The following MYO7B variants were observed in gnomAD, a reference collection of about 807,000 sequenced individuals.
The protein encoded by MYO7B is myosin VIIB, also known as unconventional myosin-VIIb.
In MYO7B, 212 loss-of-function variants were observed where a neutral mutation model predicts 259.7. That is an observed-to-expected ratio of 0.82 (90% CI 0.73 to 0.91). MYO7B has a LOEUF of 0.91. Ranked by LOEUF, MYO7B falls within the 40% of genes least tolerant of loss-of-function variation. The pLI, the probability that MYO7B is intolerant of heterozygous loss-of-function variation, is 0.00. For synonymous variants in MYO7B, 1,197 were observed against 1,166.4 expected, an observed-to-expected ratio of 1.03 and a Z score of -0.54; for missense variants, 2,732 against 2,813.5, an observed-to-expected ratio of 0.97 and a Z score of 0.66.
intron 1 of MYO7B, among the ~76,000 whole-genome samples, chr2:127,537,860 A>G (rs3893897): frequency 0.87 from 131,814 of 152,200 alleles, 57,245 homozygotes; most frequent in East Asian, 1. Context: ...CACTTGGCAC[A>G]TGCTGAATGA....
rs375880127 is a variant in MYO7B at position 127,636,841 on chromosome 2, C to T, written c.6255C>T (p.Ser2085=). The T allele has an allele frequency of 2.0e-5, 32 of 1,613,626 alleles. No homozygotes were observed. The highest frequency in any genetic ancestry group is 1.6e-4 in the African/African-American group (12 of 75,034). The change falls in exon 47 of 48, where the codon AGC becomes AGT. Residue 2085 remains serine (S), a synonymous_variant. Coordinates refer to ENST00000409816, the MANE Select transcript of MYO7B (RefSeq NM_001393586.1). The surrounding 1 kb of genome is among the most constrained non-coding windows in gnomAD (Gnocchi z 4.5). The part of the protein sequence containing the change: ...YPFTKISSWS[S]GSTYFHMALG... ...TCACCAAGATCTCCAGCTGGAGCAG[C>T]GGCAGCACCTACTTCCACATGGCGC...
intron 1 of MYO7B, among the ~76,000 whole-genome samples, chr2:127,558,462 G>A (rs2104841209): frequency 6.6e-6 from 1 of 152,322 alleles, no homozygotes; most frequent in East Asian, 1.9e-4. Context: ...ACTAAAAGTA[G>A]AACTTCCATT....
At position 127,629,686 on chromosome 2, in the gene MYO7B, G is replaced by A. The variant is rs61744676; in HGVS notation, c.4666G>A (p.Val1556Ile). Residue 1556 changes from valine (V) to isoleucine (I), a missense_variant, in exon 35 of 48, where the codon GTC becomes ATC. Physicochemically the swap from Val to Ile is conservative, Grantham distance 29 (BLOSUM62 3). Coordinates refer to ENST00000409816, the MANE Select transcript of MYO7B (RefSeq NM_001393586.1). Reference protein sequence around the residue: ...LLAFKKGDLLVLTKKQGLLAS... With the variant: ...LLAFKKGDLLILTKKQGLLAS... Reference sequence around the variant, plus strand: ...GGCCTTCAAGAAGGGGGACCTGTTGGTCCTCACAAAGAAGCAGGGGCTGCT... The same window carrying A: ...GGCCTTCAAGAAGGGGGACCTGTTGATCCTCACAAAGAAGCAGGGGCTGCT... 5,220 of 1,612,398 alleles carry A rather than the reference G, an allele frequency of 3.2e-3. 183 individuals carry two copies. In the Admixed American group the frequency reaches 0.068, roughly 21 times the overall value.
At chr2:127,591,155 C>T (rs368688592) in intron 16 of MYO7B, among the ~76,000 whole-genome samples, 1 of 152,218 alleles carries the variant, frequency 6.6e-6, no homozygotes, top group Non-Finnish European at 1.5e-5. Context: ...CACCACTGCA[C>T]TTCAGCCTGG....
intron 10 of MYO7B, 137 bp from the exon 11 acceptor site, chr2:127,581,753 TG>T: frequency 8.3e-7 from 1 of 1,200,388 alleles, no homozygotes; most frequent in Non-Finnish European, 1.1e-6. Flanking sequence ...GCCCTGGCCC[TG>T]GCCTCGGGCA....
At chr2:127,635,275 C>T in intron 43 of MYO7B, 49 bp downstream of exon 43, 2 of 1,524,948 alleles carry the variant, frequency 1.3e-6, no homozygotes, top group South Asian at 2.3e-5. Flanking sequence ...CCCATCTTCC[C>T]ACACCTGTTC....
Position 127,620,596 on chromosome 2 carries a change from G to A in MYO7B, c.3525+130G>A. 3.5e-6 allele frequency: 4 copies of A among 1,139,594 alleles called. No homozygotes were observed. The South Asian group carries it at 9.1e-5, about 26-fold the overall frequency. The allele number at this position is 1,139,594 out of a possible 1,614,324, so 70.6% of individuals were successfully genotyped here. On this transcript the variant is annotated intron_variant, in intron 27 of 47. Coordinates refer to ENST00000409816, the MANE Select transcript of MYO7B (RefSeq NM_001393586.1). The stretch of plus-strand genomic sequence containing the variant: ...TTTCTCCTGCTCCTGCAGGCCAGAT[G>A]GGCAGCCATGCCTATGCTTCTCCAG...
At chr2:127,553,056 G>T (rs1486555858) in intron 1 of MYO7B, among the ~76,000 whole-genome samples, 1 of 152,078 alleles carries the variant, frequency 6.6e-6, no homozygotes, top group African/African-American at 2.4e-5. Flanking sequence ...AGCTTCCTCC[G>T]CCACTGTGCA....
intron 1 of MYO7B, among the ~76,000 whole-genome samples, chr2:127,545,061 C>T (rs1693168786): frequency 6.6e-6 from 1 of 152,162 alleles, no homozygotes; most frequent in Non-Finnish European, 1.5e-5. Flanking sequence ...TGGTATTCTA[C>T]CCAAAGGTTG....
At chr2:127,554,798 G>T (rs935833051) in intron 1 of MYO7B, among the ~76,000 whole-genome samples, 6 of 151,986 alleles carry the variant, frequency 3.9e-5, no homozygotes, top group African/African-American at 1.4e-4. Flanking sequence ...AATTCTTCCT[G>T]ATTTAAATTA....
intron 38 of MYO7B, 75 bp downstream of exon 38, chr2:127,631,828 CAG>C (rs1681529259): frequency 3.9e-6 from 6 of 1,544,630 alleles, no homozygotes; most frequent in East Asian, 2.3e-5. Flanking sequence ...GACCGAGGCT[CAG>C]AGAGGACACC....
chr2:127,610,446 A>G (rs1266804895), intron 24 of MYO7B, among the ~76,000 whole-genome samples: 1 of 152,218 alleles, frequency 6.6e-6, no homozygotes, highest in Non-Finnish European at 1.5e-5. Flanking sequence ...GAAGAGCTGA[A>G]ATGACCTGCC....
rs754053359 is a variant in MYO7B at position 127,627,150 on chromosome 2, A to T, written c.4334-34A>T. The stretch of plus-strand genomic sequence containing the variant: ...TATGGGCTGGGCACCCAGGGGTCCC[A>T]TGCAGCCTTCACACTGCCGTCTCTC... On this transcript the variant is annotated intron_variant, in intron 32 of 47. Transcript: ENST00000409816. This position sits in a 1 kb window ranked among gnomAD's most constrained non-coding sequence, Gnocchi z 5.6. 6.2e-7 allele frequency: 1 copy of T among 1,603,958 alleles called. No homozygotes were observed. Among genetic ancestry groups the T allele is most frequent in the East Asian group, 2.2e-5 (1 of 44,524 alleles).
At position 127,577,973 on chromosome 2, in the gene MYO7B, C is replaced by T. The variant is rs2104921293; in HGVS notation, c.850-160C>T. Reference sequence around the variant, plus strand: ...GTGGCAAGGCCTGATCATGCTGTGGCTACTGTGTCATGATTCTGCCTCTGA... The same window carrying T: ...GTGGCAAGGCCTGATCATGCTGTGGTTACTGTGTCATGATTCTGCCTCTGA... On this transcript the variant is annotated intron_variant, in intron 8 of 47. Coordinates refer to ENST00000409816, the MANE Select transcript of MYO7B (RefSeq NM_001393586.1). The surrounding 1 kb of genome is among the most constrained non-coding windows in gnomAD (Gnocchi z 5.2). Among the ~76,000 whole-genome samples, 1 of 152,324 alleles carries T rather than the reference C, an allele frequency of 6.6e-6. No homozygotes were observed. Among genetic ancestry groups the T allele is most frequent in the African/African-American group, 2.4e-5 (1 of 41,568 alleles).
At chr2:127,581,609 C>G (rs1427940553) in intron 10 of MYO7B, among the ~76,000 whole-genome samples, 1 of 152,140 alleles carries the variant, frequency 6.6e-6, no homozygotes, top group East Asian at 1.9e-4. Flanking sequence ...TGCCTGAGGT[C>G]TGGCCTCAGA....
intron 7 of MYO7B, 56 bp downstream of exon 7, chr2:127,574,118 A>T (rs1275488093): frequency 6.2e-7 from 1 of 1,604,120 alleles, no homozygotes; most frequent in Admixed American, 1.7e-5. Flanking sequence ...GGTTTCCAAG[A>T]GGGGCCCCTT....
In MYO7B at chr2:127,627,755, T is replaced by C; in HGVS notation, c.4460+445T>C. 1 of 458,562 alleles carries C rather than the reference T, an allele frequency of 2.2e-6. No individual in the cohort carries two copies. 28.4% of individuals were successfully genotyped at this position (458,562 alleles called of 1,614,324 possible). On this transcript the variant is annotated intron_variant, in intron 33 of 47. Coordinates refer to ENST00000409816, the MANE Select transcript of MYO7B (RefSeq NM_001393586.1). The surrounding 1 kb of genome is among the most constrained non-coding windows in gnomAD (Gnocchi z 5.6). ...CTCTTAGGCTGGGGCTGACCCCCAC[T>C]CCCATGGGTCTCCATGGATCTCATT...
chr2:127,553,996 T>C (rs573919538), intron 1 of MYO7B, among the ~76,000 whole-genome samples: 10 of 152,378 alleles, frequency 6.6e-5, no homozygotes, highest in African/African-American at 2.4e-4. Context: ...AAATGCTTTT[T>C]CTGCATCTAT....
chr2:127,631,181 C>T lies in MYO7B; in HGVS notation c.4938-25C>T, dbSNP rs544081187. On this transcript the variant is annotated intron_variant, in intron 36 of 47. Transcript: ENST00000409816. Reference sequence around the variant, plus strand: ...GGACAGAGAAGGCCACAGGGCAGGCCTCACACCAGCCTCTAACCTCACAGG... The same window carrying T: ...GGACAGAGAAGGCCACAGGGCAGGCTTCACACCAGCCTCTAACCTCACAGG... 1.6e-5 allele frequency: 25 copies of T among 1,573,574 alleles called. 1 individual carries two copies. The highest frequency in any genetic ancestry group is 3.4e-4 in the Middle Eastern group (2 of 5,922).
Sources: allele counts gnomAD v4.1 joint callset (sites outside exome capture counted in the v4.1 genomes callset), GRCh38; gene constraint gnomAD v4.1.1; non-coding constraint Gnocchi (gnomAD v3.1); transcripts MANE v1.5; gene names NCBI Gene and HGNC (gene_info 2026-07-23, HGNC 2026-07-21).